MSRB2: variants seen among roughly 807,000 people sequenced by gnomAD.
MSRB2 encodes the protein methionine sulfoxide reductase B2.
Under a neutral mutation model 19.0 loss-of-function variants are expected in MSRB2, and 17 were observed. That is an observed-to-expected ratio of 0.89 (90% CI 0.61 to 1.34). The LOEUF is 1.34. Among genes scored for constraint, MSRB2 ranks in the 40% most tolerant of loss-of-function variants. The probability of loss-of-function intolerance (pLI) is 0.00; values close to 1 mark genes in which losing one functional copy is unlikely to be tolerated. For missense variants in MSRB2, 208 were observed against 237.6 expected (o/e 0.88, Z 0.82); for synonymous variants, 107 against 99.7 (o/e 1.07, Z -0.44).
intron 1 of MSRB2, 25 bp downstream of exon 1, chr10:23,095,751 C>T (rs904872460): frequency 2.5e-6 from 3 of 1,211,538 alleles, no homozygotes. Flanking sequence ...CCGCAGGCCC[C>T]GCCGCCGCCT....
chr10:23,118,059 A>T (rs1009453186), intron 3 of MSRB2, among the ~76,000 whole-genome samples: 4 of 151,530 alleles, frequency 2.6e-5, no homozygotes, highest in Non-Finnish European at 5.9e-5. Context: ...AACCTATATT[A>T]AAAAAAAATT....
chr10:23,097,927 T>C (rs1257170805), intron 1 of MSRB2, among the ~76,000 whole-genome samples: 2 of 152,254 alleles, frequency 1.3e-5, no homozygotes, highest in South Asian at 2.1e-4. Flanking sequence ...TGAGAAGATA[T>C]TGAAATGACA....
intron 3 of MSRB2, among the ~76,000 whole-genome samples, chr10:23,110,563 T>A (rs1325053261): frequency 6.6e-6 from 1 of 152,162 alleles, no homozygotes; most frequent in Non-Finnish European, 1.5e-5. Flanking sequence ...TTCCTTTCTC[T>A]ATCCTCAAGA....
intron 3 of MSRB2, 39 bp downstream of exon 3, chr10:23,110,357 C>G: frequency 6.7e-7 from 1 of 1,501,536 alleles, no homozygotes; most frequent in South Asian, 1.1e-5. Flanking sequence ...GGAGACCAAA[C>G]CTCCAGGTTC....
chr10:23,096,745 A>G (rs1588966014), intron 1 of MSRB2, among the ~76,000 whole-genome samples: 1 of 152,218 alleles, frequency 6.6e-6, no homozygotes, highest in African/African-American at 2.4e-5. Flanking sequence ...TGGCCTTTCT[A>G]ATCACTGGTG....
intron 3 of MSRB2, among the ~76,000 whole-genome samples, chr10:23,115,497 G>A (rs1461750888): frequency 1.3e-5 from 2 of 152,170 alleles, no homozygotes; most frequent in Non-Finnish European, 2.9e-5. Context: ...CTTCTAAGAG[G>A]TTAGGGTTGT....
Position 23,110,329 on chromosome 10 carries a change from G to C in MSRB2, c.296+11G>C. On this transcript the variant is annotated intron_variant, in intron 3 of 4. Transcript: ENST00000376510. ...CAGTCCACTCTTCAGGTAAGATAAAGAATTGAGAGCCACGGAAGGAGACCA... is the reference window on the plus strand; with the variant it reads ...CAGTCCACTCTTCAGGTAAGATAAACAATTGAGAGCCACGGAAGGAGACCA... 6.2e-7 allele frequency: 1 copy of C among 1,610,834 alleles called. No individual in the cohort carries two copies. Among genetic ancestry groups the C allele is most frequent in the East Asian group, 2.2e-5 (1 of 44,840 alleles).
intron 2 of MSRB2, among the ~76,000 whole-genome samples, chr10:23,106,909 C>T (rs375590665): frequency 1.2e-4 from 18 of 152,270 alleles, no homozygotes; most frequent in African/African-American, 3.9e-4. Flanking sequence ...CCAGCAGGTG[C>T]GTTGTATTGA....
intron 3 of MSRB2, among the ~76,000 whole-genome samples, chr10:23,115,700 G>C (rs1374841498): frequency 6.6e-6 from 1 of 152,160 alleles, no homozygotes; most frequent in Non-Finnish European, 1.5e-5. Flanking sequence ...ATTTCTGATT[G>C]GCTTTAATAT....
chr10:23,115,532 G>A (rs1027786761), intron 3 of MSRB2, among the ~76,000 whole-genome samples: 14 of 152,222 alleles, frequency 9.2e-5, no homozygotes, highest in Non-Finnish European at 1.6e-4. Context: ...TGCCTGTGCT[G>A]TTGGTTTGGG....
intron 3 of MSRB2, 92 bp downstream of exon 3, chr10:23,110,410 C>T (rs1322932413): frequency 3.1e-6 from 3 of 972,934 alleles, no homozygotes; most frequent in South Asian, 1.4e-5. Flanking sequence ...AATAAATACC[C>T]ATAATACCCA....
intron 2 of MSRB2, among the ~76,000 whole-genome samples, chr10:23,109,168 C>G (rs1840017373): frequency 6.6e-6 from 1 of 152,126 alleles, no homozygotes; most frequent in Admixed American, 6.5e-5. Flanking sequence ...AGCGGATCTT[C>G]ATGGTCAGCT....
chr10:23,107,623 G>A (rs1189033209), intron 2 of MSRB2, among the ~76,000 whole-genome samples: 2 of 152,264 alleles, frequency 1.3e-5, no homozygotes. Context: ...AGGGTACAGC[G>A]CTACCCGAAC....
At chr10:23,096,338 G>C (rs200554919) in intron 1 of MSRB2, among the ~76,000 whole-genome samples, 217 of 138,456 alleles carry the variant, frequency 1.6e-3, no homozygotes, top group South Asian at 3.8e-3. Flanking sequence ...GTGTGTGTGT[G>C]TCTCTCTCTC....
chr10:23,102,075 G>C (rs907398484), intron 1 of MSRB2, among the ~76,000 whole-genome samples: 1 of 152,096 alleles, frequency 6.6e-6, no homozygotes, highest in Non-Finnish European at 1.5e-5. Context: ...TGGGCTATTA[G>C]GAAAAATCTC....
At chr10:23,109,929 G>C (rs1840030982) in intron 2 of MSRB2, among the ~76,000 whole-genome samples, 1 of 152,232 alleles carries the variant, frequency 6.6e-6, no homozygotes. Context: ...ATCTCACACA[G>C]TCACAGAGGA....
chr10:23,097,241 G>C (rs1055288622), intron 1 of MSRB2, among the ~76,000 whole-genome samples: 2 of 152,206 alleles, frequency 1.3e-5, no homozygotes, highest in Non-Finnish European at 2.9e-5. Flanking sequence ...GTGGTGAAGG[G>C]CTTGGGTATG....
At chr10:23,112,319 A>C (rs559035643) in intron 3 of MSRB2, among the ~76,000 whole-genome samples, 117 of 152,348 alleles carry the variant, frequency 7.7e-4, no homozygotes, top group African/African-American at 2.7e-3. Context: ...CTATTCTTAA[A>C]GATGCACTCA....
Position 23,120,911 on chromosome 10 carries a change from A to G in MSRB2, c.*49A>G, listed in dbSNP as rs779282077. On this transcript the variant is annotated 3_prime_UTR_variant, in exon 5 of 5. Transcript: ENST00000376510. ...TTGCCACCCCTTCACGTGCACCCTC[A>G]ATTTCCACAATTCACTTGAATGACT... The G allele has an allele frequency of 7.3e-7, 1 of 1,372,204 alleles. No homozygotes were observed. The highest frequency in any genetic ancestry group is 1.8e-5 in the Admixed American group (1 of 54,946). The allele number at this position is 1,372,204 out of a possible 1,614,324, so 85.0% of individuals were successfully genotyped here.
Sources: allele counts gnomAD v4.1 joint callset (sites outside exome capture counted in the v4.1 genomes callset), GRCh38; gene constraint gnomAD v4.1.1; transcripts MANE v1.5; gene names NCBI Gene and HGNC (gene_info 2026-07-23, HGNC 2026-07-21).